Variants in AUTS2 observed in about 807,000 individuals in gnomAD.
AUTS2 encodes activator of transcription and developmental regulator AUTS2, also known as autism susceptibility gene 2 protein.
In AUTS2, 17 loss-of-function variants were observed where a neutral mutation model predicts 112.4. That is an observed-to-expected ratio of 0.15 (90% CI 0.10 to 0.23). AUTS2 has a LOEUF of 0.23. Ranked by LOEUF, AUTS2 falls within the 10% of genes least tolerant of loss-of-function variation. The pLI is 1.00. For missense variants in AUTS2, 1,510 were observed against 1,701.6 expected, an observed-to-expected ratio of 0.89 and a Z score of 1.98; for synonymous variants, 751 against 702.7, an observed-to-expected ratio of 1.07 and a Z score of -1.09.
At chr7:70,394,135 A>G (rs1482772390) in intron 4 of AUTS2, among the ~76,000 whole-genome samples, 2 of 151,728 alleles carry the variant, frequency 1.3e-5, no homozygotes, top group Non-Finnish European at 2.9e-5. Flanking sequence ...TGCATGTGTT[A>G]TGTGTATTTG....
At chr7:70,463,506 T>A (rs896176960) in intron 5 of AUTS2, among the ~76,000 whole-genome samples, 1 of 152,238 alleles carries the variant, frequency 6.6e-6, no homozygotes, top group Non-Finnish European at 1.5e-5. Context: ...TCCAGGGAGT[T>A]GATCAAGGAG....
intron 4 of AUTS2, among the ~76,000 whole-genome samples, chr7:70,385,171 G>A (rs1182122073): frequency 2.0e-5 from 3 of 152,162 alleles, no homozygotes; most frequent in Admixed American, 6.5e-5. Flanking sequence ...ATAATCATCT[G>A]TTGCTTTCTG....
chr7:70,786,812 A>C (rs1791526947), intron 17 of AUTS2: 1 of 330,270 alleles, frequency 3.0e-6, no homozygotes, highest in South Asian at 2.5e-5. Flanking sequence ...CGGTGGGTAG[A>C]GGAGACAGTG....
chr7:70,781,365 A>AC (rs1791060948), intron 14 of AUTS2: 2 of 94,532 alleles, frequency 2.1e-5, no homozygotes, highest in East Asian at 5.9e-4. Flanking sequence ...ACTCCGTCAC[A>AC]AAAAAAAAAA....
chr7:70,668,304 C>A (rs547302294), intron 5 of AUTS2, among the ~76,000 whole-genome samples: 108 of 152,304 alleles, frequency 7.1e-4, no homozygotes, highest in African/African-American at 2.4e-3. Flanking sequence ...AAAAAGCTCC[C>A]AGGCAGTGCC....
rs62458789 is a variant in AUTS2, at chr7:69,979,513, G to A, written c.522+80015G>A. ...CATTTTTTCAAGTTAGTACAAGGAG[G>A]TAAATGGAATCACAGTTTCAAATGT... On this transcript the variant is annotated intron_variant, in intron 2 of 18. Transcript: ENST00000342771. 3.0e-3 allele frequency among the ~76,000 whole-genome samples: 456 copies of A among 152,316 alleles called. 3 individuals carry two copies. The highest frequency in any genetic ancestry group is 4.8e-3 in the Non-Finnish European group (325 of 68,034).
chr7:70,540,315 C>T (rs1800499844), intron 5 of AUTS2, among the ~76,000 whole-genome samples: 1 of 152,140 alleles, frequency 6.6e-6, no homozygotes, highest in African/African-American at 2.4e-5. Flanking sequence ...AGGGCAGCTA[C>T]CCCCCTAGCA....
At chr7:70,466,824 G>T (rs1797183652) in intron 5 of AUTS2, among the ~76,000 whole-genome samples, 1 of 152,170 alleles carries the variant, frequency 6.6e-6, no homozygotes, top group African/African-American at 2.4e-5. Context: ...GGATAGACAT[G>T]ATCAGATTTG....
intron 1 of AUTS2, among the ~76,000 whole-genome samples, chr7:69,744,517 G>A (rs1222933373): frequency 6.6e-6 from 1 of 151,914 alleles, no homozygotes; most frequent in Non-Finnish European, 1.5e-5. Context: ...CACTTTTAGA[G>A]CACCAAGACT....
chr7:70,217,586 A>C (rs1429621291), intron 4 of AUTS2, among the ~76,000 whole-genome samples: 5 of 152,168 alleles, frequency 3.3e-5, no homozygotes, highest in Non-Finnish European at 1.5e-5. Context: ...GGTGTGAATC[A>C]GGTATATTTG....
At chr7:69,942,531 G>A (rs1796665238) in intron 2 of AUTS2, among the ~76,000 whole-genome samples, 1 of 152,130 alleles carries the variant, frequency 6.6e-6, no homozygotes, top group African/African-American at 2.4e-5. Flanking sequence ...CATCTATGGT[G>A]ACTTTTTTTT....
intron 1 of AUTS2, among the ~76,000 whole-genome samples, chr7:69,871,374 G>A (rs1002377917): frequency 3.3e-5 from 5 of 152,178 alleles, no homozygotes; most frequent in Non-Finnish European, 5.9e-5. Flanking sequence ...TTATAGGGTA[G>A]TCCCCCCTTT....
chr7:70,193,536 A>G (rs1274066753), intron 4 of AUTS2, among the ~76,000 whole-genome samples: 2 of 152,244 alleles, frequency 1.3e-5, no homozygotes, highest in Non-Finnish European at 2.9e-5. Flanking sequence ...CTAAAGTTAC[A>G]TAGCTCATGA....
chr7:69,904,255 A>G (rs1051157345), intron 2 of AUTS2, among the ~76,000 whole-genome samples: 7 of 152,162 alleles, frequency 4.6e-5, no homozygotes, highest in African/African-American at 1.7e-4. Context: ...CTGGTCCCTT[A>G]TTTCAGCACG....
At chr7:70,647,279 C>T (rs1806223057) in intron 5 of AUTS2, among the ~76,000 whole-genome samples, 2 of 152,138 alleles carry the variant, frequency 1.3e-5, no homozygotes, top group South Asian at 4.1e-4. Context: ...ACACTAGACA[C>T]AGTGAGAAAC....
chr7:70,758,660 A>C (rs1377332672), intron 6 of AUTS2, among the ~76,000 whole-genome samples: 2 of 152,220 alleles, frequency 1.3e-5, no homozygotes, highest in Non-Finnish European at 2.9e-5. Context: ...TTTAAATAAG[A>C]CTACTCAATT....
chr7:69,748,334 G>A (rs931391689), intron 1 of AUTS2, among the ~76,000 whole-genome samples: 7 of 152,148 alleles, frequency 4.6e-5, no homozygotes, highest in Non-Finnish European at 8.8e-5. Context: ...AGGGTAGCCT[G>A]GTGGTTTGGA....
chr7:70,649,242 C>T (rs1585437762), intron 5 of AUTS2, among the ~76,000 whole-genome samples: 1 of 148,054 alleles, frequency 6.8e-6, no homozygotes, highest in African/African-American at 2.7e-5. Flanking sequence ...TGAGACCAGC[C>T]TGGGCAACAT....
intron 1 of AUTS2, among the ~76,000 whole-genome samples, chr7:69,851,613 A>T (rs963651396): frequency 1.3e-5 from 2 of 152,168 alleles, no homozygotes; most frequent in African/African-American, 4.8e-5. Flanking sequence ...GAACTTTCCC[A>T]TCCATGAACA....
Sources: gnomAD v4.1 joint callset for allele counts (sites outside exome capture counted in the v4.1 genomes callset) on GRCh38, gnomAD v4.1.1 for gene constraint, MANE v1.5 for transcripts, NCBI Gene and HGNC (gene_info 2026-07-23, HGNC 2026-07-21) for gene names.